NRG3: variants seen among roughly 807,000 people sequenced by gnomAD.
NRG3 encodes pro-neuregulin-3, membrane-bound isoform.
Under a neutral mutation model 66.9 loss-of-function variants are expected in NRG3, and 31 were observed. The observed-to-expected ratio is 0.46, with a 90% confidence interval of 0.35 to 0.63. The LOEUF (loss-of-function observed/expected upper bound fraction) is 0.63, where lower values mean the gene tolerates loss of function less well. Ranked by LOEUF, NRG3 falls within the 20% of genes least tolerant of loss-of-function variation. The probability of loss-of-function intolerance (pLI) is 0.00; values close to 1 mark genes in which losing one functional copy is unlikely to be tolerated. For missense variants in NRG3, 910 were observed against 878.9 expected (o/e 1.04, Z -0.45); for synonymous variants, 393 against 359.4 (o/e 1.09, Z -1.06).
intron 1 of NRG3, among the ~76,000 whole-genome samples, chr10:82,342,686 A>T (rs1364147723): frequency 1.3e-5 from 2 of 152,100 alleles, no homozygotes; most frequent in African/African-American, 4.8e-5. Context: ...TCAGATGCAT[A>T]GATTGCAAAT....
At chr10:82,017,765 C>T (rs1440380688) in intron 1 of NRG3, among the ~76,000 whole-genome samples, 47 of 152,222 alleles carry the variant, frequency 3.1e-4, no homozygotes, top group Admixed American at 4.6e-4. Flanking sequence ...TCATATCCTT[C>T]GCCCACTTGT....
chr10:82,361,526 A>G (rs796339298), intron 2 of NRG3, among the ~76,000 whole-genome samples: 94 of 152,350 alleles, frequency 6.2e-4, no homozygotes, highest in African/African-American at 2.1e-3. Context: ...CATTTTGTAC[A>G]GCACTCTATT....
chr10:82,308,325 G>A (rs1291550855), intron 1 of NRG3, among the ~76,000 whole-genome samples: 1 of 152,086 alleles, frequency 6.6e-6, no homozygotes, highest in East Asian at 1.9e-4. Flanking sequence ...TTCACCTCAA[G>A]TGCTCTGCCT....
Position 82,949,877 on chromosome 10 carries a change from A to G in NRG3, c.1055-1592A>G, listed in dbSNP as rs575407776. Among the ~76,000 whole-genome samples the G allele has an allele frequency of 2.6e-5, 4 of 152,236 alleles. No individual in the cohort carries two copies. The East Asian group carries it at 5.8e-4, about 22-fold the overall frequency. ...ATCAAAAACAAAAACAAAACCAAAA[A>G]AAAAACCAAAAAGATCCTGATTTAG... On this transcript the variant is annotated intron_variant, in intron 4 of 8. Transcript: ENST00000372141.
chr10:82,625,351 T>C (rs182197103), intron 2 of NRG3, among the ~76,000 whole-genome samples: 84 of 152,252 alleles, frequency 5.5e-4, no homozygotes, highest in African/African-American at 1.8e-3. Context: ...CATAGAATAA[T>C]GCTTCTATTA....
chr10:81,909,472 T>C (rs1333969876), intron 1 of NRG3, among the ~76,000 whole-genome samples: 2 of 152,116 alleles, frequency 1.3e-5, no homozygotes, highest in Non-Finnish European at 2.9e-5. Context: ...TTGGTGATAT[T>C]GATGGTAGTG....
chr10:82,181,156 A>G (rs1398846243), intron 1 of NRG3, among the ~76,000 whole-genome samples: 1 of 151,500 alleles, frequency 6.6e-6, no homozygotes, highest in African/African-American at 2.4e-5. Context: ...CTCTTTTCTT[A>G]GTTTAGATAA....
At chr10:82,909,829 A>G (rs1845146618) in intron 4 of NRG3, among the ~76,000 whole-genome samples, 1 of 152,240 alleles carries the variant, frequency 6.6e-6, no homozygotes, top group South Asian at 2.1e-4. Context: ...GAACACAGAA[A>G]GTCAAGCTGT....
chr10:82,720,810 C>CATATATAT (rs5786567), intron 2 of NRG3, among the ~76,000 whole-genome samples: 1,924 of 114,494 alleles, frequency 0.017, 46 homozygotes, highest in Non-Finnish European at 0.022. Context: ...GTATTTTATA[C>CATATATAT]ATATATATAT....
intron 1 of NRG3, among the ~76,000 whole-genome samples, chr10:82,341,132 T>G (rs1004956768): frequency 6.6e-6 from 1 of 152,094 alleles, no homozygotes; most frequent in African/African-American, 2.4e-5. Context: ...ATGCCCAAAA[T>G]TTAAAAATAA....
At chr10:82,024,776 A>G (rs908054599) in intron 1 of NRG3, among the ~76,000 whole-genome samples, 5 of 152,086 alleles carry the variant, frequency 3.3e-5, no homozygotes, top group African/African-American at 1.2e-4. Flanking sequence ...CCCCCTTCCT[A>G]CATTAAATTC....
intron 3 of NRG3, among the ~76,000 whole-genome samples, chr10:82,839,773 A>G (rs1189082918): frequency 6.6e-6 from 1 of 152,020 alleles, no homozygotes. Context: ...GTATACTTAT[A>G]AATGATAAAA....
chr10:82,167,611 A>G (rs2072192102), intron 1 of NRG3, among the ~76,000 whole-genome samples: 1 of 152,062 alleles, frequency 6.6e-6, no homozygotes, highest in African/African-American at 2.4e-5. Flanking sequence ...AGAACTCCCA[A>G]TTTCATAATT....
At chr10:82,786,250 T>C (rs117773059) in intron 3 of NRG3, among the ~76,000 whole-genome samples, 1 of 152,190 alleles carries the variant, frequency 6.6e-6, no homozygotes, top group Non-Finnish European at 1.5e-5. Flanking sequence ...TTAGTGCTGC[T>C]GGGTGGACTG....
intron 2 of NRG3, among the ~76,000 whole-genome samples, chr10:82,648,816 C>T (rs967001380): frequency 6.6e-6 from 1 of 152,046 alleles, no homozygotes; most frequent in Non-Finnish European, 1.5e-5. Context: ...TTGTCTGTTA[C>T]TGGTGTATGA....
chr10:82,501,050 T>C (rs1222190791), intron 2 of NRG3, among the ~76,000 whole-genome samples: 1 of 152,126 alleles, frequency 6.6e-6, no homozygotes, highest in African/African-American at 2.4e-5. Context: ...TTGAACATAT[T>C]GTGTCTGGGA....
At chr10:82,942,158 T>C (rs1848632092) in intron 4 of NRG3, among the ~76,000 whole-genome samples, 1 of 152,150 alleles carries the variant, frequency 6.6e-6, no homozygotes, top group African/African-American at 2.4e-5. Context: ...TAGGTCCCTA[T>C]ACCTGGAGGG....
chr10:81,946,913 C>T lies in NRG3; in HGVS notation c.823+70750C>T, dbSNP rs543521514. ...GCTTAGTATCGCCATCTTCCAAAAC[C>T]TAATCTGTAACTGTACTAGCTTCCT... On this transcript the variant is annotated intron_variant, in intron 1 of 8. Transcript: ENST00000372141. Among the ~76,000 whole-genome samples the T allele has an allele frequency of 8.5e-5, 13 of 152,280 alleles. No homozygotes were observed. In the South Asian group the frequency reaches 2.7e-3, roughly 32 times the overall value.
chr10:82,355,772 T>C (rs1478828734), intron 1 of NRG3, among the ~76,000 whole-genome samples: 1 of 152,188 alleles, frequency 6.6e-6, no homozygotes, highest in Non-Finnish European at 1.5e-5. Context: ...GCCTCTGTGA[T>C]TTCAGGTGGG....
Sources: gnomAD v4.1 joint callset for allele counts (sites outside exome capture counted in the v4.1 genomes callset) on GRCh38, gnomAD v4.1.1 for gene constraint, MANE v1.5 for transcripts, NCBI Gene and HGNC (gene_info 2026-07-23, HGNC 2026-07-21) for gene names.